Variants in NLGN1 observed in about 807,000 individuals in gnomAD.
NLGN1 encodes neuroligin 1.
A neutral mutation model predicts 65.5 loss-of-function variants in NLGN1; 12 were observed. The observed-to-expected ratio is 0.18, with a 90% CI of 0.12 to 0.30. The LOEUF (loss-of-function observed/expected upper bound fraction) is 0.30, where lower values mean the gene tolerates loss of function less well. Among genes scored for constraint, NLGN1 ranks in the 10% least tolerant of loss-of-function variants. The probability of loss-of-function intolerance (pLI) is 1.00; values close to 1 mark genes in which losing one functional copy is unlikely to be tolerated. For missense variants in NLGN1, 750 were observed against 1,007.1 expected (o/e 0.74, Z 3.46); for synonymous variants, 350 against 359.5 (o/e 0.97, Z 0.30).
At chr3:174,212,309 G>T (rs1225145243) in intron 4 of NLGN1, among the ~76,000 whole-genome samples, 1 of 152,208 alleles carries the variant, frequency 6.6e-6, no homozygotes, top group Non-Finnish European at 1.5e-5. Flanking sequence ...ACTCCAGCTG[G>T]CCCGCAAGCG....
intron 5 of NLGN1, 22 bp from the exon 6 acceptor site, chr3:174,278,839 T>C: frequency 6.8e-7 from 1 of 1,468,332 alleles, no homozygotes; most frequent in Non-Finnish European, 9.0e-7. Context: ...TCATCTAAAA[T>C]TCTTTGTTGA....
intron 4 of NLGN1, among the ~76,000 whole-genome samples, chr3:174,155,028 TTATAA>T (rs1263208777): frequency 8.9e-6 from 1 of 112,368 alleles, no homozygotes; most frequent in African/African-American, 3.7e-5. Flanking sequence ...ATATATAAAA[TTATAA>T]TAATATAATT....
At chr3:174,221,738 A>G (rs994746016) in intron 4 of NLGN1, among the ~76,000 whole-genome samples, 5 of 152,046 alleles carry the variant, frequency 3.3e-5, no homozygotes, top group Non-Finnish European at 7.4e-5. Flanking sequence ...TTGCAGGGCC[A>G]TGCACCCTTT....
At chr3:173,814,048 G>A (rs1283447919) in intron 4 of NLGN1, among the ~76,000 whole-genome samples, 2 of 152,252 alleles carry the variant, frequency 1.3e-5, no homozygotes, top group Non-Finnish European at 2.9e-5. Flanking sequence ...CTAGGCCTGT[G>A]TCCTCCCACG....
At chr3:173,540,333 G>T (rs909487278) in intron 2 of NLGN1, among the ~76,000 whole-genome samples, 3 of 152,066 alleles carry the variant, frequency 2.0e-5, no homozygotes, top group Non-Finnish European at 4.4e-5. Context: ...CTCTTTTGCT[G>T]GGCCCCACTC....
chr3:174,016,020 G>C (rs977965081), intron 4 of NLGN1, among the ~76,000 whole-genome samples: 4 of 152,112 alleles, frequency 2.6e-5, no homozygotes, highest in African/African-American at 9.7e-5. Context: ...GGCAGACAAG[G>C]CAGAATTCTA....
chr3:173,874,978 C>T (rs1171770234), intron 4 of NLGN1, among the ~76,000 whole-genome samples: 1 of 152,162 alleles, frequency 6.6e-6, no homozygotes, highest in Non-Finnish European at 1.5e-5. Context: ...ATGTGGGCTA[C>T]AGGCTTTGCA....
intron 4 of NLGN1, among the ~76,000 whole-genome samples, chr3:174,153,157 C>G (rs1253808019): frequency 6.6e-6 from 1 of 152,100 alleles, no homozygotes; most frequent in Non-Finnish European, 1.5e-5. Context: ...AATGGCACTT[C>G]TTGAAGAGGC....
At chr3:174,158,697 A>G (rs1417867783) in intron 4 of NLGN1, among the ~76,000 whole-genome samples, 1 of 151,712 alleles carries the variant, frequency 6.6e-6, no homozygotes, top group Non-Finnish European at 1.5e-5. Flanking sequence ...TTGTGTGGGT[A>G]TAAATGTATT....
At chr3:173,793,940 G>A (rs1397569258) in intron 3 of NLGN1, among the ~76,000 whole-genome samples, 1 of 152,050 alleles carries the variant, frequency 6.6e-6, no homozygotes, top group Non-Finnish European at 1.5e-5. Context: ...AGCTGAAGGG[G>A]CTGTGTGTTC....
intron 4 of NLGN1, among the ~76,000 whole-genome samples, chr3:174,211,092 G>C (rs1390163222): frequency 6.6e-6 from 1 of 152,160 alleles, no homozygotes; most frequent in Admixed American, 6.5e-5. Context: ...CGCTCGCTCA[G>C]GAGTGAAGCT....
At chr3:173,599,098 G>A (rs149432940) in intron 2 of NLGN1, among the ~76,000 whole-genome samples, 7 of 152,160 alleles carry the variant, frequency 4.6e-5, no homozygotes, top group East Asian at 3.9e-4. Flanking sequence ...TCATGAACTC[G>A]TTTCTAATTT....
intron 2 of NLGN1, among the ~76,000 whole-genome samples, chr3:173,518,613 A>G (rs1734255577): frequency 6.6e-6 from 1 of 151,272 alleles, no homozygotes; most frequent in South Asian, 2.1e-4. Flanking sequence ...TTTATCTCTT[A>G]TTTTCTGACT....
chr3:173,970,318 G>A (rs560480527), intron 4 of NLGN1, among the ~76,000 whole-genome samples: 7 of 152,116 alleles, frequency 4.6e-5, no homozygotes, highest in African/African-American at 1.4e-4. Flanking sequence ...TACAGGGTGC[G>A]TTGTGAAAAC....
intron 3 of NLGN1, among the ~76,000 whole-genome samples, chr3:173,756,772 A>G (rs1009661059): frequency 9.2e-5 from 14 of 151,788 alleles, no homozygotes; most frequent in African/African-American, 2.9e-4. Flanking sequence ...AATGTAAAAA[A>G]AAAAAACCCA....
chr3:173,627,555 C>A (rs1560074038), intron 3 of NLGN1, among the ~76,000 whole-genome samples: 1 of 152,056 alleles, frequency 6.6e-6, no homozygotes, highest in Non-Finnish European at 1.5e-5. Context: ...GATATATCTA[C>A]CCAGAAGTGG....
At chr3:174,093,516 T>G (rs550802327) in intron 4 of NLGN1, among the ~76,000 whole-genome samples, 1 of 152,198 alleles carries the variant, frequency 6.6e-6, no homozygotes, top group Non-Finnish European at 1.5e-5. Flanking sequence ...GTAGTTTGTC[T>G]CTCTGAAGCA....
chr3:173,645,054 C>T (rs2149606265), intron 3 of NLGN1, among the ~76,000 whole-genome samples: 1 of 152,344 alleles, frequency 6.6e-6, no homozygotes, highest in African/African-American at 2.4e-5. Context: ...GGCTAAGGGA[C>T]ATTGAGAATG....
intron 2 of NLGN1, among the ~76,000 whole-genome samples, chr3:173,493,557 G>C (rs952783900): frequency 1.3e-5 from 2 of 151,822 alleles, no homozygotes; most frequent in Admixed American, 1.3e-4. Context: ...TGTTTACCAT[G>C]TGCTGGGTAA....
Sources: allele counts gnomAD v4.1 joint callset (sites outside exome capture counted in the v4.1 genomes callset), GRCh38; gene constraint gnomAD v4.1.1; transcripts MANE v1.5; gene names NCBI Gene and HGNC (gene_info 2026-07-23, HGNC 2026-07-21).